Variants in PDE4D observed in about 807,000 individuals in gnomAD.
The protein encoded by PDE4D is 3',5'-cyclic-AMP phosphodiesterase 4D.
A neutral mutation model predicts 87.4 loss-of-function variants in PDE4D; 24 were observed. The observed-to-expected ratio is 0.27, with a 90% CI of 0.20 to 0.39. PDE4D has a LOEUF of 0.39. Among genes scored for constraint, PDE4D ranks in the 10% least tolerant of loss-of-function variants. PDE4D has a pLI of 1.00. For synonymous variants in PDE4D, 384 were observed against 383.2 expected (o/e 1.00, Z -0.02); for missense variants, 714 against 1,041.0 (o/e 0.69, Z 4.32).
intron 2 of PDE4D, among the ~76,000 whole-genome samples, chr5:60,049,766 C>T (rs1441245961): frequency 6.6e-6 from 1 of 152,220 alleles, no homozygotes; most frequent in East Asian, 1.9e-4. Context: ...CTGCTCTCTT[C>T]AAAGCTGTCA....
chr5:60,162,693 C>T (rs942998631), intron 2 of PDE4D, among the ~76,000 whole-genome samples: 3 of 151,708 alleles, frequency 2.0e-5, no homozygotes, highest in African/African-American at 7.3e-5. Context: ...ACTTCAAGAA[C>T]ATGTATTTTA....
chr5:60,455,805 G>A (rs998797675), intron 1 of PDE4D, among the ~76,000 whole-genome samples: 4 of 152,136 alleles, frequency 2.6e-5, no homozygotes, highest in African/African-American at 9.7e-5. Context: ...TGCAGACCAG[G>A]AGGCCATTCA....
Position 59,842,162 on chromosome 5 carries a change from G to T in PDE4D, c.455+51006C>A, listed in dbSNP as rs1160431093. On this transcript the variant is annotated intron_variant, in intron 1 of 14. Coordinates refer to ENST00000340635, the MANE Select transcript of PDE4D (RefSeq NM_001104631.2). ...TTGTTAAGGTGCTTCAAGACTGAAA[G>T]TCAGGGAGGTGAGTTCGGAGGCAGA... 3.3e-5 allele frequency among the ~76,000 whole-genome samples: 5 copies of T among 152,130 alleles called. No homozygotes were observed. The East Asian group carries it at 9.7e-4, about 30-fold the overall frequency.
chr5:60,138,722 T>C (rs1184797494), intron 2 of PDE4D, among the ~76,000 whole-genome samples: 1 of 152,080 alleles, frequency 6.6e-6, no homozygotes, highest in African/African-American at 2.4e-5. Flanking sequence ...CACTAAACCA[T>C]GCTATGTGAC....
At chr5:59,031,385 ATATATATT>A (rs1478026953) in intron 6 of PDE4D, among the ~76,000 whole-genome samples, 19 of 75,582 alleles carry the variant, frequency 2.5e-4, no homozygotes, top group African/African-American at 1.1e-3. Flanking sequence ...ATATATATAT[ATATATATT>A]ATATATATAT....
At chr5:59,960,410 T>G (rs1013011320) in intron 3 of PDE4D, among the ~76,000 whole-genome samples, 2 of 152,154 alleles carry the variant, frequency 1.3e-5, no homozygotes, top group African/African-American at 4.8e-5. Flanking sequence ...GTATGTATGT[T>G]TATCACAGCA....
At chr5:59,220,255 G>C (rs1233745231) in intron 1 of PDE4D, among the ~76,000 whole-genome samples, 1 of 151,694 alleles carries the variant, frequency 6.6e-6, no homozygotes, top group Non-Finnish European at 1.5e-5. Flanking sequence ...AGTAGCTCAT[G>C]CCTGTAATCC....
At chr5:59,769,909 GT>G (rs1763274141) in intron 1 of PDE4D, among the ~76,000 whole-genome samples, 1 of 151,718 alleles carries the variant, frequency 6.6e-6, no homozygotes, top group South Asian at 2.1e-4. Flanking sequence ...AATTTTAAAA[GT>G]TTATTCTGTT....
intron 1 of PDE4D, among the ~76,000 whole-genome samples, chr5:59,614,681 C>T (rs902121927): frequency 2.6e-5 from 4 of 152,140 alleles, no homozygotes; most frequent in Admixed American, 6.5e-5. Context: ...ACAACACCAA[C>T]GGAGTAATTC....
intron 1 of PDE4D, among the ~76,000 whole-genome samples, chr5:60,243,616 G>A (rs1241582516): frequency 6.6e-6 from 1 of 151,912 alleles, no homozygotes; most frequent in Non-Finnish European, 1.5e-5. Context: ...AATTCCTCAT[G>A]ACCAAGTGGG....
At chr5:60,318,919 T>A (rs1755918701) in intron 1 of PDE4D, among the ~76,000 whole-genome samples, 1 of 152,204 alleles carries the variant, frequency 6.6e-6, no homozygotes, top group African/African-American at 2.4e-5. Context: ...CCCTTAACAT[T>A]TTTTCCTTCA....
chr5:59,799,803 G>T (rs1378748228), intron 1 of PDE4D, among the ~76,000 whole-genome samples: 2 of 152,116 alleles, frequency 1.3e-5, no homozygotes. Flanking sequence ...GTCTTATTTG[G>T]TTTAGATACC....
chr5:60,457,837 G>A (rs1746593721), intron 1 of PDE4D, among the ~76,000 whole-genome samples: 1 of 152,136 alleles, frequency 6.6e-6, no homozygotes, highest in Non-Finnish European at 1.5e-5. Flanking sequence ...CAAACAACAT[G>A]GTGCTGCTTA....
chr5:59,838,395 C>CTCCA (rs1329128464), intron 1 of PDE4D, among the ~76,000 whole-genome samples: 2 of 152,072 alleles, frequency 1.3e-5, no homozygotes, highest in African/African-American at 4.8e-5. Context: ...GATGCCGGAT[C>CTCCA]TCCAGTCCAG....
chr5:60,003,753 A>G (rs1004699175), intron 2 of PDE4D, among the ~76,000 whole-genome samples: 1 of 151,662 alleles, frequency 6.6e-6, no homozygotes, highest in African/African-American at 2.4e-5. Context: ...CAAAGTTGGA[A>G]GCGTCATACT....
chr5:59,755,892 A>C (rs183780562), intron 1 of PDE4D, among the ~76,000 whole-genome samples: 289 of 151,466 alleles, frequency 1.9e-3, no homozygotes, highest in African/African-American at 6.7e-3. Context: ...CCTACTAATA[A>C]CATGAAGAGG....
chr5:59,084,394 C>T (rs1219333385), intron 5 of PDE4D, among the ~76,000 whole-genome samples: 1 of 151,206 alleles, frequency 6.6e-6, no homozygotes, highest in Non-Finnish European at 1.5e-5. Flanking sequence ...AAAAGAATTG[C>T]TAAGGATTTA....
intron 1 of PDE4D, among the ~76,000 whole-genome samples, chr5:59,488,590 G>A (rs1805587992): frequency 6.6e-6 from 1 of 151,900 alleles, no homozygotes; most frequent in Non-Finnish European, 1.5e-5. Flanking sequence ...TTAAAGCCAG[G>A]ATATTCATTT....
chr5:59,771,416 GGAAAGAAAGAAAAAGAAAAAGAAA>G (rs1763424122), intron 1 of PDE4D, among the ~76,000 whole-genome samples: 2 of 102,814 alleles, frequency 1.9e-5, no homozygotes, highest in African/African-American at 7.0e-5. Flanking sequence ...TCAAAAAGAA[GGAAAGAAAGAAAAAGAAAAAGAAA>G]GAAAGAAAGA....
Sources: allele counts gnomAD v4.1 joint callset (sites outside exome capture counted in the v4.1 genomes callset), GRCh38; gene constraint gnomAD v4.1.1; transcripts MANE v1.5; gene names NCBI Gene and HGNC (gene_info 2026-07-23, HGNC 2026-07-21).